The following UGGT1 variants were observed in gnomAD, a reference collection of about 807,000 sequenced individuals.
UGGT1 encodes the protein UDP-glucose glycoprotein glucosyltransferase 1.
In UGGT1, 107 loss-of-function variants were observed where a neutral mutation model predicts 203.9. The ratio of observed to expected loss-of-function variants is 0.52; its 90% CI spans 0.45 to 0.62. UGGT1 has a LOEUF of 0.62. UGGT1 is among the 20% of genes least tolerant of loss of function. UGGT1 has a pLI of 0.00. For synonymous variants in UGGT1, 628 were observed against 653.5 expected (o/e 0.96, Z 0.59); for missense variants, 1,673 against 1,867.2 (o/e 0.90, Z 1.92).
At chr2:128,129,535 A>G (rs376756710) in intron 13 of UGGT1, among the ~76,000 whole-genome samples, 2 of 151,858 alleles carry the variant, frequency 1.3e-5, no homozygotes, top group Non-Finnish European at 2.9e-5. Context: ...AGTAGCTGGC[A>G]TTACAGGAGC....
chr2:128,168,623 G>A (rs1240075514), intron 26 of UGGT1, among the ~76,000 whole-genome samples: 2 of 152,190 alleles, frequency 1.3e-5, no homozygotes, highest in African/African-American at 4.8e-5. Context: ...TTCAAAAATT[G>A]GGTATAATTT....
At position 128,121,248 on chromosome 2, in the gene UGGT1, G is replaced by A. The variant is rs1688367144; in HGVS notation, c.1023G>A (p.Leu341=). 1.2e-6 allele frequency: 2 copies of A among 1,613,282 alleles called. No individual in the cohort carries two copies. The highest frequency in any genetic ancestry group is 1.7e-6 in the Non-Finnish European group (2 of 1,179,834). Residue 341 remains leucine (L), a synonymous_variant, in exon 10 of 41, where the codon TTG becomes TTA. Transcript: ENST00000259253. ...GAATCTTGGCTTCTCCTGTTGAGTT[G>A]GCTTTGGTTGTCATGAAGGATCTTA... ...AARILASPVE[L]ALVVMKDLSQ...
Position 128,113,193 on chromosome 2 carries a change from C to A in UGGT1, c.631C>A (p.His211Asn), listed in dbSNP as rs747191845. ...EIGSEEFSNFHRQLISKSNAG... is the reference protein window; with the variant it reads ...EIGSEEFSNFNRQLISKSNAG... ...TGGCTCTGAGGAATTTTCCAATTTTCACCGCCAGCTTATATCAAAAAGCAA... is the reference window on the plus strand; with the variant it reads ...TGGCTCTGAGGAATTTTCCAATTTTAACCGCCAGCTTATATCAAAAAGCAA... Residue 211 changes from histidine to asparagine, a missense_variant, in exon 6 of 41, where the codon CAC (histidine) becomes AAC (asparagine). Transcript: ENST00000259253. 2 of 1,613,356 alleles carry A rather than the reference C, an allele frequency of 1.2e-6. No homozygotes were observed. The highest frequency in any genetic ancestry group is 2.2e-5 in the South Asian group (2 of 90,988).
chr2:128,149,917 GTGACAT>G (rs1201083865), intron 18 of UGGT1, among the ~76,000 whole-genome samples: 1 of 152,180 alleles, frequency 6.6e-6, no homozygotes, highest in Non-Finnish European at 1.5e-5. Flanking sequence ...AGCCAAGATC[GTGACAT>G]TGCACTCCAG....
chr2:128,145,444 G>T (rs1320961369), intron 17 of UGGT1, among the ~76,000 whole-genome samples: 2 of 151,974 alleles, frequency 1.3e-5, no homozygotes, highest in Non-Finnish European at 2.9e-5. Context: ...CTGTTGTATA[G>T]TGCTGACCGT....
intron 1 of UGGT1, among the ~76,000 whole-genome samples, chr2:128,096,512 G>C (rs910556810): frequency 6.6e-6 from 1 of 152,186 alleles, no homozygotes; most frequent in Admixed American, 6.5e-5. Flanking sequence ...TTTAGTGTGT[G>C]CCTCTGTCTT....
chr2:128,095,938 C>G (rs560090130), intron 1 of UGGT1, among the ~76,000 whole-genome samples: 2 of 152,280 alleles, frequency 1.3e-5, no homozygotes, highest in South Asian at 4.1e-4. Flanking sequence ...AGCTAACATT[C>G]TGAAGCCCAA....
At position 128,097,472 on chromosome 2, in the gene UGGT1, G is replaced by A. The variant is rs1227319660; in HGVS notation, c.102G>A (p.Leu34=). The change falls in exon 2 of 41, where the codon CTG becomes CTA. Residue 34 remains leucine, a synonymous_variant. Transcript: ENST00000259253. The part of the protein sequence containing the change: ...KMGVLVVLTV[L]WLFSSVKADS... Reference sequence around the variant, plus strand: ...GAGTTCTGGTTGTACTCACTGTTCTGTGGCTGTTCTCCTCAGTAAAGGCCG... The same window carrying A: ...GAGTTCTGGTTGTACTCACTGTTCTATGGCTGTTCTCCTCAGTAAAGGCCG... 2 of 1,614,088 alleles carry A rather than the reference G, an allele frequency of 1.2e-6. No homozygotes were observed. Among genetic ancestry groups the A allele is most frequent in the Admixed American group, 1.7e-5 (1 of 60,022 alleles).
intron 2 of UGGT1, among the ~76,000 whole-genome samples, chr2:128,099,305 G>A (rs929908392): frequency 6.6e-6 from 1 of 151,898 alleles, no homozygotes; most frequent in Non-Finnish European, 1.5e-5. Context: ...CACTACCCCT[G>A]GCTTATTTTT....
intron 5 of UGGT1, 23 bp from the exon 6 acceptor site, chr2:128,113,057 TTTTG>T: frequency 6.9e-7 from 1 of 1,458,564 alleles, no homozygotes; most frequent in Non-Finnish European, 9.1e-7. Flanking sequence ...ATTTTTAAAG[TTTTG>T]AGCTTTTATT....
chr2:128,165,437 C>A (rs1048734831), intron 26 of UGGT1, among the ~76,000 whole-genome samples: 11 of 152,156 alleles, frequency 7.2e-5, no homozygotes, highest in Non-Finnish European at 1.6e-4. Flanking sequence ...GTGGCTCATG[C>A]CTGTAATCCC....
chr2:128,097,111 T>C (rs1275927799), intron 1 of UGGT1, among the ~76,000 whole-genome samples: 1 of 152,234 alleles, frequency 6.6e-6, no homozygotes, highest in Non-Finnish European at 1.5e-5. Context: ...GCATGGTGGC[T>C]CATGCCTGTA....
chr2:128,100,212 T>C (rs989879560), intron 2 of UGGT1, among the ~76,000 whole-genome samples: 1 of 151,876 alleles, frequency 6.6e-6, no homozygotes, highest in African/African-American at 2.4e-5. Flanking sequence ...AATTTTTATA[T>C]TTTCAGTAGA....
intron 13 of UGGT1, among the ~76,000 whole-genome samples, chr2:128,130,332 A>T (rs1302362293): frequency 1.3e-5 from 2 of 151,432 alleles, no homozygotes; most frequent in African/African-American, 2.4e-5. Context: ...AAATAAGGTG[A>T]GTGGAGAGCT....
At chr2:128,187,724 A>G (rs1462031330) in intron 40 of UGGT1, 110 bp downstream of exon 40, 1 of 1,209,228 alleles carries the variant, frequency 8.3e-7, no homozygotes, top group African/African-American at 1.5e-5. Flanking sequence ...TCTCCTATTA[A>G]TCCTTCCATT....
intron 26 of UGGT1, among the ~76,000 whole-genome samples, chr2:128,166,730 A>G (rs1256464895): frequency 6.6e-6 from 1 of 152,212 alleles, no homozygotes; most frequent in Non-Finnish European, 1.5e-5. Flanking sequence ...GTTTCTAGGA[A>G]AGAGCCCTGC....
chr2:128,097,342 T>G, intron 1 of UGGT1, 87 bp from the exon 2 acceptor site: 2 of 1,484,312 alleles, frequency 1.3e-6, no homozygotes, highest in Non-Finnish European at 1.8e-6. Flanking sequence ...ACCACTGCAC[T>G]CCAGCCTGGG....
intron 15 of UGGT1, among the ~76,000 whole-genome samples, chr2:128,137,184 A>G (rs1689166092): frequency 6.6e-6 from 1 of 152,226 alleles, no homozygotes; most frequent in Non-Finnish European, 1.5e-5. Flanking sequence ...TGGGAGGCCA[A>G]GGTGGGAGGA....
At chr2:128,132,117 A>C (rs947277610) in intron 13 of UGGT1, among the ~76,000 whole-genome samples, 1 of 151,926 alleles carries the variant, frequency 6.6e-6, no homozygotes, top group Admixed American at 6.6e-5. Context: ...TTGAGGTCTT[A>C]GCTCATAGTT....
Sources: gnomAD v4.1 joint callset for allele counts (sites outside exome capture counted in the v4.1 genomes callset) on GRCh38, gnomAD v4.1.1 for gene constraint, MANE v1.5 for transcripts, NCBI Gene and HGNC (gene_info 2026-07-23, HGNC 2026-07-21) for gene names.